AASDH: variants seen among roughly 807,000 people sequenced by gnomAD.
AASDH encodes aminoadipate-semialdehyde dehydrogenase.
AASDH carries 81 observed loss-of-function variants against 102.3 expected under a neutral mutation model. The observed-to-expected ratio is 0.79, with a 90% CI of 0.66 to 0.95. AASDH has a LOEUF of 0.95. AASDH is among the 40% of genes least tolerant of loss of function. The pLI is 0.00. For synonymous variants in AASDH, 398 were observed against 454.0 expected, an observed-to-expected ratio of 0.88 and a Z score of 1.57; for missense variants, 1,203 against 1,266.2, an observed-to-expected ratio of 0.95 and a Z score of 0.76.
chr4:56,349,295 C>T lies in AASDH; in HGVS notation c.2456G>A (p.Cys819Tyr). 6.2e-7 allele frequency: 1 copy of T among 1,614,166 alleles called. No homozygotes were observed. Among genetic ancestry groups the T allele is most frequent in the Non-Finnish European group, 8.5e-7 (1 of 1,180,038 alleles). ...AATAAAGTTTCCACACTTAGATACACATGCTGAGGATTCAATTCGATCTCC... is the reference window on the plus strand; with the variant it reads ...AATAAAGTTTCCACACTTAGATACATATGCTGAGGATTCAATTCGATCTCC... Reference protein sequence around the residue: ...ILGDRIESSACVSKCGNFIVV... With the variant: ...ILGDRIESSAYVSKCGNFIVV... The change falls in exon 11 of 15, where the codon TGT (cysteine) becomes TAT (tyrosine). Residue 819 changes from cysteine (C) to tyrosine (Y), a missense_variant. Physicochemically the swap from Cys to Tyr is radical, Grantham distance 194. Transcript: ENST00000205214.
chr4:56,350,323 T>C (rs568418023), intron 10 of AASDH, among the ~76,000 whole-genome samples: 1 of 151,960 alleles, frequency 6.6e-6, no homozygotes, highest in Non-Finnish European at 1.5e-5. Context: ...GGTGCGGTGG[T>C]AGCCACCTGT....
Position 56,349,456 on chromosome 4 carries a change from T to C in AASDH, c.2295A>G (p.Lys765=), listed in dbSNP as rs1382221413. 6.2e-7 allele frequency: 1 copy of C among 1,614,094 alleles called. No homozygotes were observed. Among genetic ancestry groups the C allele is most frequent in the South Asian group, 1.1e-5 (1 of 91,094 alleles). ...CAACCAGCGGTGAAGCATCTACACA[T>C]TTGCCTGTGTCTGACCTCCACCTCA... ...LHVRWRSDTG[K]CVDASPLVVI... Residue 765 remains lysine, a synonymous_variant, in exon 11 of 15, where the codon AAA becomes AAG. Transcript: ENST00000205214.
At chr4:56,359,087 C>CT (rs752609041) in intron 5 of AASDH, among the ~76,000 whole-genome samples, 2 of 144,738 alleles carry the variant, frequency 1.4e-5, no homozygotes, top group African/African-American at 5.1e-5. Context: ...TTGTTGCTTG[C>CT]TTTTTTTTGT....
At chr4:56,358,088 G>A (rs1373374370) in intron 5 of AASDH, among the ~76,000 whole-genome samples, 2 of 151,796 alleles carry the variant, frequency 1.3e-5, no homozygotes, top group Non-Finnish European at 2.9e-5. Flanking sequence ...TTTGATGCTA[G>A]TGTAAATATT....
intron 13 of AASDH, among the ~76,000 whole-genome samples, 191 bp downstream of exon 13, chr4:56,343,365 CATATAT>C (rs10562096): frequency 3.3e-5 from 5 of 150,932 alleles, no homozygotes. Flanking sequence ...CAAAAAAATA[CATATAT>C]ATATATATAC....
intron 5 of AASDH, among the ~76,000 whole-genome samples, chr4:56,370,346 A>G (rs907675725): frequency 1.3e-5 from 2 of 151,852 alleles, no homozygotes; most frequent in African/African-American, 4.8e-5. Flanking sequence ...ACACAGCAAG[A>G]CTCTGTCAAA....
chr4:56,379,725 C>A (rs77753222), intron 3 of AASDH, among the ~76,000 whole-genome samples: 12,889 of 152,166 alleles, frequency 0.085, 714 homozygotes, highest in East Asian at 0.25. Flanking sequence ...TCAGAGATTG[C>A]TTCATGGGTA....
chr4:56,369,433 T>C (rs1302420544), intron 5 of AASDH, among the ~76,000 whole-genome samples: 1 of 152,188 alleles, frequency 6.6e-6, no homozygotes, highest in Non-Finnish European at 1.5e-5. Flanking sequence ...AATGACTCTC[T>C]AACAGATGAG....
In AASDH at chr4:56,338,722, A is replaced by G. The variant is rs756598776; in HGVS notation, c.2977T>C (p.Phe993Leu). The stretch of plus-strand genomic sequence containing the variant: ...ATAAAGCAATCATGGGAACCAAAAA[A>G]TATTTTTTGCTCTGATGGTGAGGTA... ...PCTSPSEQKI[F>L]FGSHDCFIYC... The change falls in exon 15 of 15, where the codon TTT (phenylalanine) becomes CTT (leucine). Residue 993 changes from phenylalanine to leucine, a missense_variant. Transcript: ENST00000205214. The G allele has an allele frequency of 3.7e-6, 6 of 1,614,086 alleles. No homozygotes were observed. The African/African-American group carries it at 6.7e-5, about 18-fold the overall frequency.
chr4:56,354,091 T>A lies in AASDH; in HGVS notation c.1331A>T (p.Asp444Val), dbSNP rs1261089425. 2 of 1,613,452 alleles carry A rather than the reference T, an allele frequency of 1.2e-6. No individual in the cohort carries two copies. The highest frequency in any genetic ancestry group is 4.5e-5 in the East Asian group (2 of 44,858). The change falls in exon 8 of 15, where the codon GAC (aspartate) becomes GTC (valine). Residue 444 changes from aspartate (D) to valine (V), a missense_variant. Physicochemically the swap from Asp to Val is radical, Grantham distance 152. Coordinates refer to ENST00000205214, the MANE Select transcript of AASDH (RefSeq NM_181806.4). ...DGEIFFLGRKDSQIKRHGKRL... is the reference protein window; with the variant it reads ...DGEIFFLGRKVSQIKRHGKRL... Reference sequence around the variant, plus strand: ...TTTGCCATGACGTTTGATCTGACTGTCTTTTCGTCCCAAAAAAAAAATCTC... The same window carrying A: ...TTTGCCATGACGTTTGATCTGACTGACTTTTCGTCCCAAAAAAAAAATCTC...
At chr4:56,375,908 T>G (rs1232506316) in intron 4 of AASDH, among the ~76,000 whole-genome samples, 1 of 152,064 alleles carries the variant, frequency 6.6e-6, no homozygotes, top group Non-Finnish European at 1.5e-5. Context: ...TAAATGTATC[T>G]TCCTCCCATC....
intron 14 of AASDH, among the ~76,000 whole-genome samples, 165 bp downstream of exon 14, chr4:56,342,670 T>G (rs2109846013): frequency 6.6e-6 from 1 of 151,976 alleles, no homozygotes; most frequent in East Asian, 1.9e-4. Flanking sequence ...AATAATGATG[T>G]TTAAAATGTT....
chr4:56,361,605 C>A (rs917415268), intron 5 of AASDH, among the ~76,000 whole-genome samples: 2 of 151,958 alleles, frequency 1.3e-5, no homozygotes, highest in Non-Finnish European at 2.9e-5. Flanking sequence ...TAAGGAAAAA[C>A]TCAGGAAAAA....
At chr4:56,344,428 CTCT>C (rs758704300) in intron 12 of AASDH, among the ~76,000 whole-genome samples, 3 of 152,054 alleles carry the variant, frequency 2.0e-5, no homozygotes, top group Non-Finnish European at 4.4e-5. Context: ...TACTAGCCGT[CTCT>C]TCTTTGGGGT....
intron 14 of AASDH, among the ~76,000 whole-genome samples, chr4:56,340,876 CAAA>C (rs1747585348): frequency 1.3e-5 from 2 of 152,012 alleles, no homozygotes; most frequent in Non-Finnish European, 2.9e-5. Context: ...AGACATATCT[CAAA>C]AGAAGACATA....
At position 56,384,119 on chromosome 4, in the gene AASDH, T is replaced by G. The variant is rs34543011; in HGVS notation, c.181A>C (p.Ile61Leu). 14 of 1,614,138 alleles carry G rather than the reference T, an allele frequency of 8.7e-6. No homozygotes were observed. Among genetic ancestry groups the G allele is most frequent in the Non-Finnish European group, 1.2e-5 (14 of 1,179,998 alleles). Reference protein sequence around the residue: ...LHCDFQGIREIGLYCQPGIDL... With the variant: ...LHCDFQGIRELGLYCQPGIDL... ...ATCCCAGGTTGGCAGTAGAGACCAA[T>G]TTCCCGAATTCCTTGAAAGTCACAG... The change falls in exon 2 of 15, where the codon ATT (isoleucine) becomes CTT (leucine). Residue 61 changes from isoleucine to leucine, a missense_variant. Transcript: ENST00000205214.
chr4:56,343,694 A>C lies in AASDH; in HGVS notation c.2653-10T>G. 6.2e-7 allele frequency: 1 copy of C among 1,603,094 alleles called. No homozygotes were observed. Among genetic ancestry groups the C allele is most frequent in the Non-Finnish European group, 8.5e-7 (1 of 1,174,720 alleles). The stretch of plus-strand genomic sequence containing the variant: ...AAACACACTTCTTTCTCTGCAAATA[A>C]GAAAACAAATTAATTTGTTCTTGTT... On this transcript the variant is annotated splice_polypyrimidine_tract_variant and intron_variant, in intron 12 of 14. Transcript: ENST00000205214.
chr4:56,371,143 A>C, intron 5 of AASDH, among the ~76,000 whole-genome samples: 1 of 152,242 alleles, frequency 6.6e-6, no homozygotes, highest in East Asian at 1.9e-4. Context: ...CAACATACAT[A>C]GATTTTAAGA....
chr4:56,384,192 CT>C lies in AASDH; in HGVS notation c.107del (p.Lys36ArgfsTer34). 1 of 1,614,108 alleles carries C rather than the reference CT, an allele frequency of 6.2e-7. No individual in the cohort carries two copies. The highest frequency in any genetic ancestry group is 8.5e-7 in the Non-Finnish European group (1 of 1,180,010). On this transcript the variant is annotated frameshift_variant, in exon 2 of 15. Coordinates refer to ENST00000205214, the MANE Select transcript of AASDH (RefSeq NM_181806.4). LOFTEE classifies it high-confidence loss of function. Reference protein sequence around the residue: ...NNQLPVYYTYKTVVNAASELS... With the variant: ...NNQLPVYYTYXTVVNAASELS... ...ATTCAGAAGCAGCATTAACCACAGT[CT>C]TGTAGGTGTAGTAAACTGGAAGCTG...
Sources: allele counts gnomAD v4.1 joint callset (sites outside exome capture counted in the v4.1 genomes callset), GRCh38; gene constraint gnomAD v4.1.1; transcripts MANE v1.5; gene names NCBI Gene and HGNC (gene_info 2026-07-23, HGNC 2026-07-21).